The following PSIP1 variants were observed in gnomAD, a reference collection of about 807,000 sequenced individuals.
PSIP1 encodes the protein PC4 and SRSF1 interacting protein 1, also known as PC4 and SFRS1-interacting protein.
PSIP1 carries 19 observed loss-of-function variants against 74.7 expected under a neutral mutation model. The observed-to-expected ratio is 0.25, with a 90% CI of 0.18 to 0.37. The LOEUF (loss-of-function observed/expected upper bound fraction) is 0.37, where lower values mean the gene tolerates loss of function less well. Ranked by LOEUF, PSIP1 falls within the 10% of genes least tolerant of loss-of-function variation. PSIP1 has a pLI of 1.00. For synonymous variants in PSIP1, 222 were observed against 195.3 expected, an observed-to-expected ratio of 1.14 and a Z score of -1.14; for missense variants, 601 against 614.3, an observed-to-expected ratio of 0.98 and a Z score of 0.23.
At chr9:15,470,569 C>T (rs2035780395) in intron 10 of PSIP1, 1 of 927,256 alleles carries the variant, frequency 1.1e-6, no homozygotes, top group Non-Finnish European at 1.3e-6. Flanking sequence ...AGTACCTTGG[C>T]TTAGAGTTCA....
chr9:15,496,448 T>C (rs1315418712), intron 3 of PSIP1, among the ~76,000 whole-genome samples: 5 of 152,236 alleles, frequency 3.3e-5, no homozygotes, highest in South Asian at 2.1e-4. Context: ...AAATAAGACA[T>C]AGCAAAGTGG....
At chr9:15,493,647 G>A (rs751713288) in intron 3 of PSIP1, among the ~76,000 whole-genome samples, 1 of 152,158 alleles carries the variant, frequency 6.6e-6, no homozygotes, top group Non-Finnish European at 1.5e-5. Flanking sequence ...GCATGGCTGG[G>A]GAGGCCTCAG....
At chr9:15,476,541 GT>G (rs2036088392) in intron 8 of PSIP1, among the ~76,000 whole-genome samples, 1 of 152,132 alleles carries the variant, frequency 6.6e-6, no homozygotes, top group Non-Finnish European at 1.5e-5. Flanking sequence ...TTCAAATTGG[GT>G]GATAGCCTGG....
chr9:15,478,591 T>TTCTATTTAAGATACAAATC (rs1381944693), intron 7 of PSIP1, 39 bp from the exon 8 acceptor site: 1 of 1,313,306 alleles, frequency 7.6e-7, no homozygotes, highest in East Asian at 2.3e-5. Context: ...AACTACTAGT[T>TTCTATTTAAGATACAAATC]TCTATTTAAG....
At chr9:15,486,758 G>A (rs572317708) in intron 5 of PSIP1, 69 bp downstream of exon 5, 20 of 1,083,720 alleles carry the variant, frequency 1.8e-5, no homozygotes, top group Non-Finnish European at 2.8e-5. Context: ...ATTAATCATG[G>A]CCAACTCATT....
chr9:15,508,418 T>C (rs538968691), intron 2 of PSIP1, among the ~76,000 whole-genome samples: 13 of 152,320 alleles, frequency 8.5e-5, no homozygotes, highest in Non-Finnish European at 1.5e-4. Context: ...CCAAATGAAC[T>C]TGTTAAATGT....
intron 10 of PSIP1, 63 bp downstream of exon 10, chr9:15,472,568 TA>T: frequency 6.5e-7 from 1 of 1,532,684 alleles, no homozygotes. Context: ...GAAAGTCTAT[TA>T]TTTAAAAATT....
At position 15,469,426 on chromosome 9, in the gene PSIP1, TA is replaced by T. The variant is rs565558041; in HGVS notation, c.1034-91del. Reference sequence around the variant, plus strand: ...GCTAAGTATAATGAATTAGTGGACTTAAAAAAAAAATGTTCTTAGTAATCTT... The same window carrying T: ...GCTAAGTATAATGAATTAGTGGACTTAAAAAAAAATGTTCTTAGTAATCTT... On this transcript the variant is annotated intron_variant, in intron 11 of 15. Transcript: ENST00000380733. 8.7e-3 allele frequency: 5,623 copies of T among 647,084 alleles called. 1 individual carries two copies. Among genetic ancestry groups the T allele is most frequent in the South Asian group, 0.013 (514 of 41,090 alleles). 40.1% of individuals were successfully genotyped at this position (647,084 alleles called of 1,614,324 possible).
At chr9:15,508,471 T>C (rs2037701816) in intron 2 of PSIP1, among the ~76,000 whole-genome samples, 1 of 152,240 alleles carries the variant, frequency 6.6e-6, no homozygotes, top group Non-Finnish European at 1.5e-5. Flanking sequence ...TTCCAAAGGC[T>C]ACCCTATTTT....
intron 3 of PSIP1, among the ~76,000 whole-genome samples, chr9:15,497,114 A>G (rs1236971877): frequency 6.6e-6 from 1 of 152,226 alleles, no homozygotes; most frequent in African/African-American, 2.4e-5. Context: ...ACAAATGTTC[A>G]CAGCATTATT....
chr9:15,468,728 T>C lies in PSIP1; in HGVS notation c.1322A>G (p.Asn441Ser), dbSNP rs1169941966. 3 of 1,614,022 alleles carry C rather than the reference T, an allele frequency of 1.9e-6. No homozygotes were observed. The highest frequency in any genetic ancestry group is 2.7e-5 in the African/African-American group (2 of 74,938). Reference protein sequence around the residue: ...EGDSVITQVLNKSLAEQRQHE... With the variant: ...EGDSVITQVLSKSLAEQRQHE... ...CTGTCTTTGTTCAGCAAGAGATTTA[T>C]TCAGCACTTGGGTGATCACGGAATC... Residue 441 changes from asparagine (N) to serine (S), a missense_variant, in exon 14 of 16, where the codon AAT becomes AGT. Physicochemically the swap from Asn to Ser is conservative, Grantham distance 46. Coordinates refer to ENST00000380733, the MANE Select transcript of PSIP1 (RefSeq NM_033222.5).
At chr9:15,492,557 T>C (rs1387746490) in intron 3 of PSIP1, among the ~76,000 whole-genome samples, 1 of 152,192 alleles carries the variant, frequency 6.6e-6, no homozygotes, top group African/African-American at 2.4e-5. Context: ...TCGGTGGATC[T>C]ACCATTCTGG....
chr9:15,473,390 TAG>T (rs1422023021), intron 9 of PSIP1, among the ~76,000 whole-genome samples: 1 of 152,194 alleles, frequency 6.6e-6, no homozygotes, highest in African/African-American at 2.4e-5. Flanking sequence ...CTACCTTTTC[TAG>T]ACAGATGGGG....
At position 15,486,084 on chromosome 9, in the gene PSIP1, G is replaced by C. The variant is rs759053981; in HGVS notation, c.394-16C>G. 1.3e-6 allele frequency: 2 copies of C among 1,568,054 alleles called. No individual in the cohort carries two copies. The highest frequency in any genetic ancestry group is 2.2e-5 in the East Asian group (1 of 44,508). On this transcript the variant is annotated splice_polypyrimidine_tract_variant and intron_variant, in intron 5 of 15. Transcript: ENST00000380733. ...TAGTCACATCCTAAAAAAGAAAAAA[G>C]AAAACTGAATACTGAATAAATTATT...
intron 9 of PSIP1, among the ~76,000 whole-genome samples, chr9:15,473,106 G>C (rs1016779736): frequency 2.0e-5 from 3 of 152,074 alleles, no homozygotes; most frequent in African/African-American, 4.8e-5. Flanking sequence ...TAAGAAATGA[G>C]CCAAAAATCA....
Position 15,468,990 on chromosome 9 carries a change from C to A in PSIP1, c.1173G>T (p.Gln391His), listed in dbSNP as rs1156497183. The A allele has an allele frequency of 1.9e-6, 3 of 1,613,908 alleles. No homozygotes were observed. In the Admixed American group the frequency reaches 5.0e-5, roughly 27 times the overall value. Residue 391 changes from glutamine (Q) to histidine (H), a missense_variant, in exon 13 of 16, where the codon CAG becomes CAT. Around this residue, in one of 2 missense-constraint regions of PSIP1, gnomAD observed 538 missense variants for 507.6 expected, o/e 1.06. Coordinates refer to ENST00000380733, the MANE Select transcript of PSIP1 (RefSeq NM_033222.5). The stretch of plus-strand genomic sequence containing the variant: ...GTGTAGTAATCATCTCTGTGTGTTT[C>A]TGAGCTTGTTGCATTGTGACCTGAA... ...ASLQVTMQQA[Q>H]KHTEMITTLK...
In PSIP1 at chr9:15,465,589, A is replaced by T; in HGVS notation, c.1533-9T>A. 6.4e-7 allele frequency: 1 copy of T among 1,564,336 alleles called. No homozygotes were observed. The highest frequency in any genetic ancestry group is 8.8e-7 in the Non-Finnish European group (1 of 1,141,226). On this transcript the variant is annotated splice_polypyrimidine_tract_variant and intron_variant, in intron 15 of 15. Coordinates refer to ENST00000380733, the MANE Select transcript of PSIP1 (RefSeq NM_033222.5). ...TCTCTTCACTGGATGGCCTGAAGAAAAGGGGGAAAGGTACAACTGGAATTA... is the reference window on the plus strand; with the variant it reads ...TCTCTTCACTGGATGGCCTGAAGAATAGGGGGAAAGGTACAACTGGAATTA...
chr9:15,478,601 G>T (rs751435700), intron 7 of PSIP1, 49 bp from the exon 8 acceptor site: 6 of 1,205,882 alleles, frequency 5.0e-6, no homozygotes, highest in African/African-American at 1.5e-5. Context: ...TTCTATTTAA[G>T]ATACAAATCT....
At chr9:15,507,814 A>G (rs1007699957) in intron 2 of PSIP1, among the ~76,000 whole-genome samples, 1 of 152,188 alleles carries the variant, frequency 6.6e-6, no homozygotes, top group Non-Finnish European at 1.5e-5. Flanking sequence ...GACCATCAGG[A>G]TGACTGAACT....
Sources: allele counts gnomAD v4.1 joint callset (sites outside exome capture counted in the v4.1 genomes callset), GRCh38; gene constraint gnomAD v4.1.1; regional missense constraint gnomAD v4.1.1; transcripts MANE v1.5; gene names NCBI Gene and HGNC (gene_info 2026-07-23, HGNC 2026-07-21).